The following GRB2 variants were observed in gnomAD, a reference collection of about 807,000 sequenced individuals.
GRB2 encodes growth factor receptor bound protein 2, also known as growth factor receptor-bound protein 2.
In GRB2, 2 loss-of-function variants were observed where a neutral mutation model predicts 27.4. That is an observed-to-expected ratio of 0.07 (90% CI 0.03 to 0.23). The LOEUF (loss-of-function observed/expected upper bound fraction) is 0.23. Ranked by LOEUF, GRB2 falls within the 10% of genes least tolerant of loss-of-function variation. GRB2 has a pLI of 1.00. For missense variants in GRB2, 102 were observed against 282.4 expected (o/e 0.36, Z 4.58); for synonymous variants, 94 against 99.6 (o/e 0.94, Z 0.33).
chr17:75,355,158 C>T (rs777945989), intron 2 of GRB2, among the ~76,000 whole-genome samples: 4 of 152,238 alleles, frequency 2.6e-5, no homozygotes, highest in South Asian at 4.1e-4. Flanking sequence ...CAAAATTCTA[C>T]GAAGGTGCTG....
At chr17:75,342,258 A>C (rs2145833835) in intron 2 of GRB2, among the ~76,000 whole-genome samples, 1 of 152,316 alleles carries the variant, frequency 6.6e-6, no homozygotes, top group East Asian at 1.9e-4. Flanking sequence ...ACCCGCAAGC[A>C]ATGAAGCTGG....
In GRB2 at chr17:75,320,557, C is replaced by T. The variant is rs2078451617; in HGVS notation, c.469-4G>A. On this transcript the variant is annotated splice_polypyrimidine_tract_variant and splice_region_variant and intron_variant, in intron 5 of 5. Coordinates refer to ENST00000316804, the MANE Select transcript of GRB2 (RefSeq NM_002086.5). This position sits in a 1 kb window ranked among gnomAD's most constrained non-coding sequence, Gnocchi z 4.3. Reference sequence around the variant, plus strand: ...GGGCCTGGACGTATGTCGGCTGCTGCAAAACAGGAGCAGGAAAAACCCACA... The same window carrying T: ...GGGCCTGGACGTATGTCGGCTGCTGTAAAACAGGAGCAGGAAAAACCCACA... The T allele has an allele frequency of 5.6e-6, 9 of 1,609,286 alleles. No individual in the cohort carries two copies. The highest frequency in any genetic ancestry group is 7.7e-6 in the Non-Finnish European group (9 of 1,176,010).
At chr17:75,369,249 T>C (rs1412838339) in intron 2 of GRB2, among the ~76,000 whole-genome samples, 1 of 152,184 alleles carries the variant, frequency 6.6e-6, no homozygotes, top group Non-Finnish European at 1.5e-5. Context: ...TCATTTTGCA[T>C]CAACTTACCC....
intron 2 of GRB2, among the ~76,000 whole-genome samples, chr17:75,346,280 G>T (rs4277384): frequency 3.6e-4 from 55 of 151,472 alleles, no homozygotes; most frequent in Non-Finnish European, 6.8e-4. Flanking sequence ...GATCACTTGA[G>T]GTCAGGAGTT....
At chr17:75,376,303 C>G (rs2078893166) in intron 2 of GRB2, among the ~76,000 whole-genome samples, 1 of 146,656 alleles carries the variant, frequency 6.8e-6, no homozygotes, top group Admixed American at 7.0e-5. Flanking sequence ...CGAGATTGTG[C>G]CACTGCACTC....
intron 4 of GRB2, among the ~76,000 whole-genome samples, chr17:75,323,119 A>AT (rs1199691092): frequency 7.4e-6 from 1 of 135,776 alleles, no homozygotes; most frequent in African/African-American, 2.8e-5. Context: ...ACTCCATCTC[A>AT]TTAAAAAAAA....
chr17:75,321,873 T>A, intron 4 of GRB2, 46 bp from the exon 5 acceptor site: 1 of 1,594,094 alleles, frequency 6.3e-7, no homozygotes, highest in Non-Finnish European at 8.6e-7. Context: ...GGCTCTAACT[T>A]GGCAAATCGA....
rs531396924 is a variant in GRB2, at chr17:75,338,970, T to C, written c.79-6173A>G. On this transcript the variant is annotated intron_variant, in intron 2 of 5. Transcript: ENST00000316804. ...GTTATGACAGGAAGCAGAGTGGCTA[T>C]GGTGGGCAGACTAAGTCGATTTTCC... is the stretch of plus-strand genomic sequence containing the variant. The C allele has an allele frequency of 1.2e-4, 146 of 1,191,336 alleles. 1 individual carries two copies. The South Asian group carries it at 1.7e-3, about 14-fold the overall frequency. The allele number at this position is 1,191,336 out of a possible 1,614,324, so 73.8% of individuals were successfully genotyped here. A position where few individuals can be genotyped will look rare whatever the true frequency, so the allele number is the denominator to read the frequency against.
intron 2 of GRB2, among the ~76,000 whole-genome samples, chr17:75,358,113 T>C (rs1359375229): frequency 2.0e-5 from 3 of 152,134 alleles, no homozygotes; most frequent in Non-Finnish European, 4.4e-5. Context: ...TGATGGTCTT[T>C]GCTATGTTAG....
chr17:75,389,027 C>T (rs548153913), intron 2 of GRB2, among the ~76,000 whole-genome samples: 3 of 152,244 alleles, frequency 2.0e-5, no homozygotes, highest in South Asian at 2.1e-4. Context: ...ACACACAACC[C>T]GATTACTTGC....
At chr17:75,366,640 C>G (rs1411649462) in intron 2 of GRB2, among the ~76,000 whole-genome samples, 3 of 151,956 alleles carry the variant, frequency 2.0e-5, no homozygotes, top group African/African-American at 7.3e-5. Context: ...AACCCCATCT[C>G]CACAAAAAAA....
intron 2 of GRB2, among the ~76,000 whole-genome samples, chr17:75,336,959 T>C (rs2078581490): frequency 6.6e-6 from 1 of 152,156 alleles, no homozygotes; most frequent in Non-Finnish European, 1.5e-5. Flanking sequence ...GCTGGTCTCA[T>C]ATTCCTGGCC....
intron 3 of GRB2, 24 bp from the exon 4 acceptor site, chr17:75,326,044 C>T (rs2078496513): frequency 6.2e-7 from 1 of 1,613,530 alleles, no homozygotes; most frequent in Non-Finnish European, 8.5e-7. Flanking sequence ...GCAAGCTGGT[C>T]AACATCTGCT....
intron 2 of GRB2, among the ~76,000 whole-genome samples, chr17:75,375,486 A>T (rs529015146): frequency 2.6e-5 from 4 of 152,342 alleles, no homozygotes; most frequent in African/African-American, 9.6e-5. Flanking sequence ...TCAAGCGCAC[A>T]GGAGAACATT....
intron 1 of GRB2, chr17:75,394,736 AAGT>A (rs2079019677): frequency 6.6e-6 from 1 of 152,232 alleles, no homozygotes; most frequent in Non-Finnish European, 1.5e-5. Context: ...GGTCAAAGAG[AAGT>A]CTCTCTCACA....
intron 2 of GRB2, among the ~76,000 whole-genome samples, chr17:75,378,087 T>C (rs1012131771): frequency 7.3e-5 from 11 of 151,618 alleles, no homozygotes; most frequent in African/African-American, 2.7e-4. Context: ...CAGTTGACAA[T>C]ATAAATCCCA....
intron 3 of GRB2, among the ~76,000 whole-genome samples, chr17:75,331,623 CA>C (rs2078541775): frequency 6.6e-6 from 1 of 152,174 alleles, no homozygotes; most frequent in Non-Finnish European, 1.5e-5. Flanking sequence ...ATGAAGGAGC[CA>C]GCAAACAATA....
Position 75,329,249 on chromosome 17 carries a change from AG to A in GRB2, c.177-3230del, listed in dbSNP as rs1365146206. ...CCTAGGCCCCCAAGATCTCTCCACT[AG>A]GGAGGTTTTTTCCCATTTGTAGGTA... On this transcript the variant is annotated intron_variant, in intron 3 of 5. Transcript: ENST00000316804. Among the ~76,000 whole-genome samples, 6 of 152,196 alleles carry A rather than the reference AG, an allele frequency of 3.9e-5. No homozygotes were observed. The South Asian group carries it at 6.2e-4, about 16-fold the overall frequency.
intron 1 of GRB2, among the ~76,000 whole-genome samples, chr17:75,399,230 G>T (rs990214497): frequency 2.0e-5 from 3 of 150,128 alleles, no homozygotes; most frequent in Non-Finnish European, 3.0e-5. Context: ...GTGTGTGTGT[G>T]TGTGTGGTGA....
Sources: allele counts gnomAD v4.1 joint callset (sites outside exome capture counted in the v4.1 genomes callset), GRCh38; gene constraint gnomAD v4.1.1; non-coding constraint Gnocchi (gnomAD v3.1); transcripts MANE v1.5; gene names NCBI Gene and HGNC (gene_info 2026-07-23, HGNC 2026-07-21).